ADAM18: variants seen among roughly 807,000 people sequenced by gnomAD.
ADAM18 encodes the protein disintegrin and metalloproteinase domain-containing protein 18.
In ADAM18, 117 loss-of-function variants were observed where a neutral mutation model predicts 94.4. The ratio of observed to expected loss-of-function variants is 1.24; its 90% CI spans 1.07 to 1.45. ADAM18 has a LOEUF of 1.45. ADAM18 is among the 40% of genes most tolerant of loss of function. ADAM18 has a pLI of 0.00. For missense variants in ADAM18, 936 were observed against 880.0 expected (o/e 1.06, Z -0.81); for synonymous variants, 327 against 291.6 (o/e 1.12, Z -1.24).
intron 12 of ADAM18, among the ~76,000 whole-genome samples, chr8:39,656,134 C>A (rs1393762871): frequency 6.6e-6 from 1 of 151,290 alleles, no homozygotes; most frequent in African/African-American, 2.4e-5. Flanking sequence ...TGTAAATAGA[C>A]AAGCTGATTT....
At chr8:39,724,018 A>T (rs1822834356) in intron 19 of ADAM18, 111 bp downstream of exon 19, 1 of 723,400 alleles carries the variant, frequency 1.4e-6, no homozygotes, top group Non-Finnish European at 2.0e-6. Context: ...ACTATTTTAA[A>T]TCTAATGTAA....
intron 16 of ADAM18, among the ~76,000 whole-genome samples, chr8:39,681,814 T>C (rs1454812795): frequency 2.0e-5 from 3 of 152,174 alleles, no homozygotes; most frequent in Non-Finnish European, 4.4e-5. Context: ...AAGCTTAGCA[T>C]ATTGTCTTCT....
intron 13 of ADAM18, among the ~76,000 whole-genome samples, chr8:39,666,716 G>A (rs1217711393): frequency 2.6e-5 from 4 of 152,180 alleles, no homozygotes; most frequent in African/African-American, 9.7e-5. Context: ...GATCTTGTGA[G>A]ACCTATTCAC....
intron 17 of ADAM18, among the ~76,000 whole-genome samples, chr8:39,705,273 T>C (rs1822209452): frequency 6.6e-6 from 1 of 152,200 alleles, no homozygotes; most frequent in Non-Finnish European, 1.5e-5. Context: ...AATTGTTACG[T>C]AATCTCCAAA....
intron 17 of ADAM18, among the ~76,000 whole-genome samples, chr8:39,693,189 T>C (rs1821828381): frequency 6.6e-6 from 1 of 151,590 alleles, no homozygotes; most frequent in South Asian, 2.1e-4. Flanking sequence ...TATTAAAATT[T>C]ATAATTTGAG....
At chr8:39,594,636 C>T (rs760919672) in intron 2 of ADAM18, among the ~76,000 whole-genome samples, 2 of 150,968 alleles carry the variant, frequency 1.3e-5, no homozygotes, top group African/African-American at 4.9e-5. Flanking sequence ...ATTTATGTTA[C>T]GACATTTCCT....
intron 6 of ADAM18, among the ~76,000 whole-genome samples, chr8:39,618,929 C>A (rs937124728): frequency 6.6e-6 from 1 of 152,256 alleles, no homozygotes; most frequent in South Asian, 2.1e-4. Context: ...TTTGCACAAT[C>A]CTGCATACAA....
chr8:39,676,281 T>C (rs1230084153), intron 14 of ADAM18, among the ~76,000 whole-genome samples: 1 of 152,224 alleles, frequency 6.6e-6, no homozygotes, highest in African/African-American at 2.4e-5. Context: ...GTAGGCTTTG[T>C]TGAGCTGCAG....
rs112358462 is a variant in ADAM18 at position 39,683,723 on chromosome 8, G to A, written c.1821+3497G>A. 2.1e-3 allele frequency among the ~76,000 whole-genome samples: 319 copies of A among 152,234 alleles called. 2 individuals are homozygous for A. Among genetic ancestry groups the A allele is most frequent in the African/African-American group, 7.2e-3 (298 of 41,546 alleles). On this transcript the variant is annotated intron_variant, in intron 16 of 19. Coordinates refer to ENST00000265707, the MANE Select transcript of ADAM18 (RefSeq NM_014237.3). The stretch of plus-strand genomic sequence containing the variant: ...CCTCCTGAGTAAAGTATCTGATCAT[G>A]TCTTTAGCCTATTTTTAATCAGATT...
intron 17 of ADAM18, among the ~76,000 whole-genome samples, chr8:39,693,397 TG>T (rs987844530): frequency 6.6e-6 from 1 of 151,422 alleles, no homozygotes; most frequent in Non-Finnish European, 1.5e-5. Context: ...CACATTTTAA[TG>T]TTTTTTTTTC....
At chr8:39,629,678 C>G (rs1819879335) in intron 7 of ADAM18, among the ~76,000 whole-genome samples, 1 of 150,616 alleles carries the variant, frequency 6.6e-6, no homozygotes, top group Non-Finnish European at 1.5e-5. Context: ...CCCTTCTTTC[C>G]TTGCTTCCTT....
chr8:39,706,331 G>C (rs1278923525), intron 17 of ADAM18, among the ~76,000 whole-genome samples: 1 of 152,036 alleles, frequency 6.6e-6, no homozygotes, highest in African/African-American at 2.4e-5. Context: ...ATGTTGAAAA[G>C]GGGCTAGGAT....
At chr8:39,600,662 T>A (rs1443825150) in intron 2 of ADAM18, among the ~76,000 whole-genome samples, 1 of 152,252 alleles carries the variant, frequency 6.6e-6, no homozygotes, top group Non-Finnish European at 1.5e-5. Context: ...CGAGCCTTAA[T>A]AAGACTGAAT....
At chr8:39,631,768 T>C (rs1176690230) in intron 7 of ADAM18, among the ~76,000 whole-genome samples, 2 of 152,040 alleles carry the variant, frequency 1.3e-5, no homozygotes, top group Non-Finnish European at 2.9e-5. Flanking sequence ...AGAATTGTGA[T>C]CTTAACAATA....
chr8:39,636,001 G>GTTTTTTT (rs199533879), intron 7 of ADAM18, among the ~76,000 whole-genome samples: 1 of 141,812 alleles, frequency 7.1e-6, no homozygotes, highest in African/African-American at 2.6e-5. Flanking sequence ...TAACCATTAA[G>GTTTTTTT]TTTTTTTGTT....
chr8:39,721,523 T>A (rs1019126408), intron 18 of ADAM18, among the ~76,000 whole-genome samples: 5 of 151,294 alleles, frequency 3.3e-5, no homozygotes, highest in Non-Finnish European at 5.9e-5. Context: ...ATCAACAAAG[T>A]ACTGTTATCC....
chr8:39,653,060 A>T (rs1267633955), intron 12 of ADAM18, among the ~76,000 whole-genome samples: 1 of 152,156 alleles, frequency 6.6e-6, no homozygotes, highest in Non-Finnish European at 1.5e-5. Context: ...AAGGATACAG[A>T]ATTTAAATGA....
intron 12 of ADAM18, among the ~76,000 whole-genome samples, chr8:39,660,215 C>T (rs1354370278): frequency 6.6e-6 from 1 of 151,914 alleles, no homozygotes; most frequent in Non-Finnish European, 1.5e-5. Flanking sequence ...AACCAAATAA[C>T]AACTAAAAAA....
At chr8:39,716,240 G>T (rs927556414) in intron 18 of ADAM18, among the ~76,000 whole-genome samples, 1 of 151,298 alleles carries the variant, frequency 6.6e-6, no homozygotes, top group Non-Finnish European at 1.5e-5. Context: ...CTAATTTTGG[G>T]CAAAGTTCAT....
Sources: gnomAD v4.1 joint callset for allele counts (sites outside exome capture counted in the v4.1 genomes callset) on GRCh38, gnomAD v4.1.1 for gene constraint, MANE v1.5 for transcripts, NCBI Gene and HGNC (gene_info 2026-07-23, HGNC 2026-07-21) for gene names.